SRGAP3: variants seen among roughly 807,000 people sequenced by gnomAD.
The protein encoded by SRGAP3 is SLIT-ROBO Rho GTPase-activating protein 3.
A neutral mutation model predicts 121.1 loss-of-function variants in SRGAP3; 39 were observed. That is an observed-to-expected ratio of 0.32 (90% confidence interval 0.25 to 0.42). The LOEUF is 0.42. Among genes scored for constraint, SRGAP3 ranks in the 10% least tolerant of loss-of-function variants. SRGAP3 has a pLI of 1.00. For missense variants in SRGAP3, 1,213 were observed against 1,470.6 expected (o/e 0.82, Z 2.86); for synonymous variants, 601 against 570.0 (o/e 1.05, Z -0.77).
chr3:9,229,056 G>A (rs1206967692), intron 1 of SRGAP3, among the ~76,000 whole-genome samples: 3 of 125,886 alleles, frequency 2.4e-5, no homozygotes, highest in East Asian at 2.3e-4. Context: ...GCGACAGAGC[G>A]AGACTCCGTC....
chr3:8,994,306 T>C (rs1460421167), intron 19 of SRGAP3, 37 bp downstream of exon 19: 1 of 1,612,512 alleles, frequency 6.2e-7, no homozygotes, highest in Non-Finnish European at 8.5e-7. Context: ...CACTAATCTA[T>C]TTCGGCATTC....
chr3:9,216,533 T>C (rs1233692519), intron 1 of SRGAP3: 1 of 152,674 alleles, frequency 6.5e-6, no homozygotes, highest in Non-Finnish European at 1.5e-5. Flanking sequence ...ACAGAGCAGA[T>C]ACCCTAAGAA....
At chr3:9,255,221 C>T (rs1954106022) in intron 3 of SRGAP3, among the ~76,000 whole-genome samples, 1 of 152,114 alleles carries the variant, frequency 6.6e-6, no homozygotes, top group African/African-American at 2.4e-5. Context: ...ATGCCAACCA[C>T]CCAGTAGAAA....
chr3:9,234,605 G>A (rs1374379781), intron 1 of SRGAP3, among the ~76,000 whole-genome samples: 3 of 152,068 alleles, frequency 2.0e-5, no homozygotes, highest in Non-Finnish European at 2.9e-5. Flanking sequence ...AACTCTACCC[G>A]CCTACAGAAA....
At chr3:9,272,588 T>A (rs527297033) in intron 3 of SRGAP3, among the ~76,000 whole-genome samples, 1 of 152,324 alleles carries the variant, frequency 6.6e-6, no homozygotes, top group African/African-American at 2.4e-5. Context: ...AGAGTTTCCT[T>A]CCTCTTTAAG....
At chr3:9,267,743 AGGG>A (rs1186495151) in intron 3 of SRGAP3, among the ~76,000 whole-genome samples, 1 of 152,186 alleles carries the variant, frequency 6.6e-6, no homozygotes, top group Non-Finnish European at 1.5e-5. Context: ...AGCAGGGGAC[AGGG>A]GTATATCTCC....
At chr3:9,225,588 T>C (rs955743869) in intron 1 of SRGAP3, among the ~76,000 whole-genome samples, 5 of 152,092 alleles carry the variant, frequency 3.3e-5, no homozygotes, top group African/African-American at 1.2e-4. Flanking sequence ...GCATTTCTGC[T>C]CCCACTCCCT....
chr3:9,290,668 AC>A (rs1388238496), intron 3 of SRGAP3, among the ~76,000 whole-genome samples: 1 of 152,192 alleles, frequency 6.6e-6, no homozygotes, highest in African/African-American at 2.4e-5. Context: ...TCCAAGCTAT[AC>A]CCCAAACCTA....
rs892856060 is a variant in SRGAP3 at position 9,355,150 on chromosome 3, C to A, written n.214+7690G>T. Among the ~76,000 whole-genome samples, 3 of 152,042 alleles carry A rather than the reference C, an allele frequency of 2.0e-5. No homozygotes were observed. The East Asian group carries it at 5.8e-4, about 29-fold the overall frequency. ...AAATCTGCTAAGTCTGACCCTCAAA[C>A]TTCCTCTCCTTTCTTTTCAAACCCA... On this transcript the variant is annotated intron_variant and non_coding_transcript_variant, in intron 1 of 3. Transcript: ENST00000490889.
intron 2 of SRGAP3, among the ~76,000 whole-genome samples, chr3:9,113,975 T>C (rs1230585790): frequency 6.6e-6 from 1 of 152,200 alleles, no homozygotes; most frequent in Non-Finnish European, 1.5e-5. Flanking sequence ...GAGGCTGCCA[T>C]GCTGGGAGCC....
intron 3 of SRGAP3, among the ~76,000 whole-genome samples, chr3:9,303,179 C>G (rs1057181401): frequency 5.3e-5 from 8 of 152,078 alleles, no homozygotes; most frequent in Non-Finnish European, 8.8e-5. Context: ...AATCCCAGCA[C>G]TTTGGGAGGC....
chr3:9,354,434 C>A (rs1206424884), intron 1 of SRGAP3, among the ~76,000 whole-genome samples: 1 of 152,080 alleles, frequency 6.6e-6, no homozygotes, highest in African/African-American at 2.4e-5. Context: ...AATCCCAGCA[C>A]TTTGGGAGGC....
At chr3:9,030,116 TAC>T (rs977655330) in intron 12 of SRGAP3, among the ~76,000 whole-genome samples, 3 of 152,168 alleles carry the variant, frequency 2.0e-5, no homozygotes, top group African/African-American at 4.8e-5. Context: ...TGTGCCACTG[TAC>T]TCCAGCCTGG....
At chr3:9,280,378 G>A (rs749837159) in intron 3 of SRGAP3, among the ~76,000 whole-genome samples, 13 of 152,322 alleles carry the variant, frequency 8.5e-5, no homozygotes, top group South Asian at 2.1e-4. Flanking sequence ...CCGCCCCCAC[G>A]CACACACCAG....
At chr3:9,081,290 A>G (rs1235328147) in intron 3 of SRGAP3, 7 of 456,600 alleles carry the variant, frequency 1.5e-5, no homozygotes, top group Non-Finnish European at 2.6e-5. Context: ...GCAAGTCCAC[A>G]CTCTCAAGAT....
intron 1 of SRGAP3, among the ~76,000 whole-genome samples, chr3:9,169,107 C>A (rs914699150): frequency 6.6e-6 from 1 of 152,144 alleles, no homozygotes; most frequent in Non-Finnish European, 1.5e-5. Flanking sequence ...TAACCCTGGG[C>A]AAGTTTCTGA....
In SRGAP3 at chr3:8,980,761, A is replaced by G; in HGVS notation, c.*4758T>C. 1 of 233,040 alleles carries G rather than the reference A, an allele frequency of 4.3e-6. No individual in the cohort carries two copies. The highest frequency in any genetic ancestry group is 8.5e-6 in the Non-Finnish European group (1 of 117,708). The allele number at this position is 233,040 out of a possible 1,614,324, so 14.4% of individuals were successfully genotyped here. A position where few individuals can be genotyped will look rare whatever the true frequency, so the allele number is the denominator to read the frequency against. ...GGGCAACATTTATCATCACGTGGGG[A>G]CAGGCAACCAGCAATTTCCTAGGGT... is the stretch of plus-strand genomic sequence containing the variant. On this transcript the variant is annotated 3_prime_UTR_variant, in exon 22 of 22. Coordinates refer to ENST00000383836, the MANE Select transcript of SRGAP3 (RefSeq NM_014850.4).
intron 1 of SRGAP3, among the ~76,000 whole-genome samples, chr3:9,221,903 C>T (rs2125200786): frequency 6.6e-6 from 1 of 152,366 alleles, no homozygotes; most frequent in East Asian, 1.9e-4. Context: ...TATTTCCCAA[C>T]TCATTTATAA....
intron 1 of SRGAP3, among the ~76,000 whole-genome samples, chr3:9,346,807 G>A (rs1247172246): frequency 6.7e-6 from 1 of 149,202 alleles, no homozygotes; most frequent in Non-Finnish European, 1.5e-5. Flanking sequence ...TGAGGCTGAA[G>A]TGCAATGGCG....
Sources: gnomAD v4.1 joint callset for allele counts (sites outside exome capture counted in the v4.1 genomes callset) on GRCh38, gnomAD v4.1.1 for gene constraint, MANE v1.5 for transcripts, NCBI Gene and HGNC (gene_info 2026-07-23, HGNC 2026-07-21) for gene names.